Variants in PLCZ1 observed in about 807,000 individuals in gnomAD.
PLCZ1 encodes phospholipase C zeta 1.
A neutral mutation model predicts 76.8 loss-of-function variants in PLCZ1; 64 were observed. The ratio of observed to expected loss-of-function variants is 0.83; its 90% CI spans 0.68 to 1.03. The LOEUF is 1.03. PLCZ1 is among the 50% of genes least tolerant of loss of function. PLCZ1 has a pLI of 0.00. For missense variants in PLCZ1, 751 were observed against 713.7 expected (o/e 1.05, Z -0.60); for synonymous variants, 248 against 230.8 (o/e 1.07, Z -0.68).
intron 12 of PLCZ1, chr12:18,693,661 T>A: frequency 6.4e-7 from 1 of 1,565,638 alleles, no homozygotes; most frequent in Non-Finnish European, 8.8e-7. Flanking sequence ...CAAAAAGATA[T>A]GACTCCAATT....
At chr12:18,735,574 C>T (rs1342737064) in intron 3 of PLCZ1, among the ~76,000 whole-genome samples, 1 of 152,026 alleles carries the variant, frequency 6.6e-6, no homozygotes. Context: ...TCTGTTTAAC[C>T]TTTCTAGTTC....
chr12:18,645,643 A>G, the PLCZ1 span, among the ~76,000 whole-genome samples: 14,498 of 152,180 alleles, frequency 0.095, 737 homozygotes, highest in Middle Eastern at 0.19. Flanking sequence ...TTTTTCAGCT[A>G]TAATTTACTG....
In PLCZ1 at chr12:18,696,065, C is replaced by T; in HGVS notation, c.1291+85G>A. The T allele has an allele frequency of 4.1e-6, 3 of 727,362 alleles. 1 individual carries two copies. Among genetic ancestry groups the T allele is most frequent in the East Asian group, 6.5e-5 (2 of 30,970 alleles). The allele number at this position is 727,362 out of a possible 1,614,324, so 45.1% of individuals were successfully genotyped here. On this transcript the variant is annotated intron_variant, in intron 11 of 14. Coordinates refer to ENST00000266505, the MANE Select transcript of PLCZ1 (RefSeq NM_033123.4). ...GGCTAAAAAATCTTTTACAGAAAGCCCTTTTCACGAGTTTTTCATACATTC... is the reference window on the plus strand; with the variant it reads ...GGCTAAAAAATCTTTTACAGAAAGCTCTTTTCACGAGTTTTTCATACATTC...
chr12:18,701,628 TCC>T, intron 8 of PLCZ1, 60 bp from the exon 9 acceptor site: 7 of 1,575,930 alleles, frequency 4.4e-6, no homozygotes, highest in Non-Finnish European at 6.0e-6. Context: ...CTCCTCCTCC[TCC>T]TCCTCCTCCT....
chr12:18,734,439 C>T (rs969770658), intron 3 of PLCZ1, among the ~76,000 whole-genome samples: 1 of 152,134 alleles, frequency 6.6e-6, no homozygotes, highest in African/African-American at 2.4e-5. Context: ...CAACCTCTGC[C>T]TCCCAGGTTC....
chr12:18,679,997 A>G (rs544636081), downstream of PLCZ1, among the ~76,000 whole-genome samples: 1 of 152,130 alleles, frequency 6.6e-6, no homozygotes, highest in South Asian at 2.1e-4. Context: ...TATGAATCCT[A>G]TAGAATGCTC....
the PLCZ1 span, among the ~76,000 whole-genome samples, chr12:18,662,219 C>T: frequency 6.6e-6 from 1 of 152,072 alleles, no homozygotes; most frequent in African/African-American, 2.4e-5. Context: ...GCACTATGCT[C>T]ATCACCTGGC....
intron 12 of PLCZ1, chr12:18,692,742 G>A: frequency 1.0e-6 from 1 of 1,002,832 alleles, no homozygotes; most frequent in South Asian, 1.3e-5. Context: ...AATGTTAAAA[G>A]CTCTCCCAGG....
At chr12:18,736,475 TTGTA>T in intron 2 of PLCZ1, 131 bp from the exon 3 acceptor site, 1 of 1,204,942 alleles carries the variant, frequency 8.3e-7, no homozygotes, top group Non-Finnish European at 1.1e-6. Context: ...TATAGTATAA[TTGTA>T]TGATAAATAT....
intron 12 of PLCZ1, among the ~76,000 whole-genome samples, chr12:18,690,229 G>GTTTC (rs1953868840): frequency 6.6e-6 from 1 of 151,884 alleles, no homozygotes; most frequent in South Asian, 2.1e-4. Flanking sequence ...TTGTTTGTTT[G>GTTTC]TTTGTTTCTT....
intron 3 of PLCZ1, among the ~76,000 whole-genome samples, chr12:18,731,845 A>G (rs1959065958): frequency 6.6e-6 from 1 of 152,258 alleles, no homozygotes; most frequent in Non-Finnish European, 1.5e-5. Flanking sequence ...AATTTTGTTA[A>G]TGATCTTTCC....
chr12:18,701,615 C>A (rs1955932927), intron 8 of PLCZ1, 47 bp from the exon 9 acceptor site: 1 of 37,948 alleles, frequency 2.6e-5, no homozygotes, highest in Non-Finnish European at 3.3e-5. Context: ...TATCCTCCTC[C>A]TCCTCCTCCT....
intron 12 of PLCZ1, 95 bp from the exon 13 acceptor site, chr12:18,688,313 G>A (rs1162622293): frequency 9.1e-6 from 12 of 1,314,600 alleles, no homozygotes; most frequent in Non-Finnish European, 1.3e-5. Flanking sequence ...AAAAGTTGAT[G>A]GACTCTAAGT....
chr12:18,701,410 G>T, intron 9 of PLCZ1, 91 bp downstream of exon 9: 4 of 1,590,026 alleles, frequency 2.5e-6, no homozygotes, highest in South Asian at 1.1e-5. Flanking sequence ...GAAGGAAAAT[G>T]ATTTTTCTCC....
At chr12:18,649,118 T>C in the PLCZ1 span, among the ~76,000 whole-genome samples, 1 of 152,116 alleles carries the variant, frequency 6.6e-6, no homozygotes, top group Non-Finnish European at 1.5e-5. Context: ...TCTATTACTC[T>C]CCCTTTCTGC....
chr12:18,647,881 A>T, the PLCZ1 span: 5 of 1,541,880 alleles, frequency 3.2e-6, no homozygotes, highest in East Asian at 1.2e-4. Context: ...TTTAGGTAGT[A>T]TATGATGAAG....
At chr12:18,732,679 T>C (rs897725927) in intron 3 of PLCZ1, among the ~76,000 whole-genome samples, 1 of 152,172 alleles carries the variant, frequency 6.6e-6, no homozygotes, top group Non-Finnish European at 1.5e-5. Flanking sequence ...TTCTATAAGT[T>C]TGACTGTTTT....
intron 6 of PLCZ1, among the ~76,000 whole-genome samples, chr12:18,708,797 C>A (rs1036180931): frequency 2.0e-5 from 3 of 151,986 alleles, no homozygotes; most frequent in Admixed American, 6.6e-5. Context: ...ACTTGTTGGC[C>A]ATTTTTATGT....
chr12:18,702,338 A>G (rs1008665168), intron 7 of PLCZ1, among the ~76,000 whole-genome samples: 2 of 152,092 alleles, frequency 1.3e-5, no homozygotes, highest in South Asian at 2.1e-4. Context: ...GCATAGCAAA[A>G]TTTACCATCA....
Sources: allele counts gnomAD v4.1 joint callset (sites outside exome capture counted in the v4.1 genomes callset), GRCh38; gene constraint gnomAD v4.1.1; transcripts MANE v1.5; gene names NCBI Gene and HGNC (gene_info 2026-07-23, HGNC 2026-07-21).